The following TFEC variants were observed in gnomAD, a reference collection of about 807,000 sequenced individuals.
The protein encoded by TFEC is transcription factor EC, also known as class E basic helix-loop-helix protein 34.
TFEC carries 31 observed loss-of-function variants against 41.6 expected under a neutral mutation model. The ratio of observed to expected loss-of-function variants is 0.74; its 90% CI spans 0.56 to 1.01. TFEC has a LOEUF of 1.01. Ranked by LOEUF, TFEC falls within the 50% of genes least tolerant of loss-of-function variation. The pLI is 0.00. For synonymous variants in TFEC, 143 were observed against 140.6 expected (o/e 1.02, Z -0.12); for missense variants, 402 against 404.1 (o/e 0.99, Z 0.04).
intron 6 of TFEC, among the ~76,000 whole-genome samples, chr7:115,946,144 A>C (rs1323954957): frequency 1.3e-5 from 2 of 151,654 alleles, no homozygotes; most frequent in Non-Finnish European, 2.9e-5. Context: ...TTATAAAAAC[A>C]CAGGCATATA....
In TFEC at chr7:116,090,517, T is replaced by C. The variant is rs555432799; in HGVS notation, c.198+20191A>G. On this transcript the variant is annotated intron_variant, in intron 3 of 8. Coordinates refer to the TFEC transcript ENST00000484212. ...CGCCAAGAACCCGGACACCCTCCAC[T>C]GGTAACAAGAGGACCTACAGTATGG... Among the ~76,000 whole-genome samples the C allele has an allele frequency of 2.8e-4, 42 of 152,248 alleles. No individual in the cohort carries two copies. In the South Asian group the frequency reaches 8.5e-3, roughly 31 times the overall value.
intron 1 of TFEC, among the ~76,000 whole-genome samples, chr7:115,987,209 G>A (rs1793899113): frequency 6.6e-6 from 1 of 152,106 alleles, no homozygotes; most frequent in East Asian, 1.9e-4. Flanking sequence ...TGTAAACTAA[G>A]CAGAAGAGTA....
intron 3 of TFEC, among the ~76,000 whole-genome samples, chr7:116,047,485 G>C (rs1399557542): frequency 6.6e-6 from 1 of 152,112 alleles, no homozygotes; most frequent in Admixed American, 6.5e-5. Context: ...GCTTGAGTAG[G>C]TAAACAAAGT....
At chr7:116,007,643 C>G (rs553410191) in intron 1 of TFEC, among the ~76,000 whole-genome samples, 1 of 152,110 alleles carries the variant, frequency 6.6e-6, no homozygotes, top group African/African-American at 2.4e-5. Flanking sequence ...TGTTTCAGAT[C>G]CTACTAGGTG....
At chr7:116,022,577 T>A (rs934356795) in intron 1 of TFEC, among the ~76,000 whole-genome samples, 1 of 152,166 alleles carries the variant, frequency 6.6e-6, no homozygotes, top group African/African-American at 2.4e-5. Flanking sequence ...AGTGATTAAA[T>A]GTTAGTAAAA....
chr7:115,984,355 T>C lies in TFEC; in HGVS notation c.87A>G (p.Ala29=). Reference sequence around the variant, plus strand: ...CAGCATCACTGTCCAGAGTTGTGTGTGCATGCTGCACAAGAGGCCCACCAC... The same window carrying C: ...CAGCATCACTGTCCAGAGTTGTGTGCGCATGCTGCACAAGAGGCCCACCAC... ...VPSGGPLVQH[A]HTTLDSDAGL... Residue 29 remains alanine, a synonymous_variant, in exon 2 of 8, where the codon GCA becomes GCG. Transcript: ENST00000265440. 6.2e-7 allele frequency: 1 copy of C among 1,614,152 alleles called. No individual in the cohort carries two copies. The highest frequency in any genetic ancestry group is 1.7e-4 in the Middle Eastern group (1 of 6,060).
At chr7:116,131,939 C>T (rs1209042013) in intron 1 of TFEC, among the ~76,000 whole-genome samples, 1 of 152,162 alleles carries the variant, frequency 6.6e-6, no homozygotes, top group African/African-American at 2.4e-5. Context: ...ATTGTTGCCA[C>T]TTTCTGCACT....
chr7:116,036,284 A>T (rs78190438), intron 3 of TFEC, among the ~76,000 whole-genome samples: 650 of 152,194 alleles, frequency 4.3e-3, no homozygotes, highest in African/African-American at 0.015. Context: ...GAGCTAGGGT[A>T]TTTACACTCT....
At chr7:116,072,773 A>C (rs925160088) in intron 3 of TFEC, among the ~76,000 whole-genome samples, 8 of 151,634 alleles carry the variant, frequency 5.3e-5, no homozygotes, top group Admixed American at 4.6e-4. Context: ...CACTCTTATG[A>C]AAAGAAGTAT....
intron 1 of TFEC, among the ~76,000 whole-genome samples, chr7:116,138,658 A>C (rs1798481630): frequency 6.6e-6 from 1 of 152,244 alleles, no homozygotes; most frequent in Non-Finnish European, 1.5e-5. Flanking sequence ...TTAAGAAATC[A>C]AAGACCTGAA....
At chr7:115,941,250 C>T (rs929926719) in intron 7 of TFEC, 1 of 205,344 alleles carries the variant, frequency 4.9e-6, no homozygotes, top group Non-Finnish European at 9.7e-6. Flanking sequence ...TTTATTCTTC[C>T]TGATTAATTT....
intron 5 of TFEC, among the ~76,000 whole-genome samples, chr7:115,951,969 C>T (rs535128537): frequency 6.6e-6 from 1 of 151,926 alleles, no homozygotes; most frequent in South Asian, 2.1e-4. Context: ...ATGTTTAAAG[C>T]TTTTGGGGAA....
intron 3 of TFEC, among the ~76,000 whole-genome samples, chr7:116,044,642 A>G (rs545275493): frequency 6.6e-6 from 1 of 152,342 alleles, no homozygotes; most frequent in Admixed American, 6.5e-5. Flanking sequence ...TTTAATGGTT[A>G]GGTAATAAAG....
chr7:115,967,881 T>G (rs1351024611), intron 3 of TFEC, among the ~76,000 whole-genome samples: 4 of 151,826 alleles, frequency 2.6e-5, no homozygotes, highest in African/African-American at 9.7e-5. Flanking sequence ...AACAATTAAT[T>G]TAATGTAAAC....
chr7:116,102,526 A>G (rs1797627750), intron 3 of TFEC, among the ~76,000 whole-genome samples: 2 of 152,318 alleles, frequency 1.3e-5, no homozygotes, highest in Admixed American at 6.5e-5. Context: ...TTAGGGTGGT[A>G]GCAGCAACAA....
intron 3 of TFEC, among the ~76,000 whole-genome samples, chr7:116,066,944 T>G (rs543665799): frequency 6.6e-6 from 1 of 152,168 alleles, no homozygotes; most frequent in East Asian, 1.9e-4. Flanking sequence ...TAATTTCAAA[T>G]GAAATATTTG....
chr7:116,046,297 C>A (rs1796162410), intron 3 of TFEC, among the ~76,000 whole-genome samples: 1 of 152,132 alleles, frequency 6.6e-6, no homozygotes, highest in Non-Finnish European at 1.5e-5. Context: ...TTGTATCTCC[C>A]CGAATTCCCA....
intron 1 of TFEC, among the ~76,000 whole-genome samples, chr7:116,146,468 T>C (rs1301825058): frequency 6.6e-6 from 1 of 152,218 alleles, no homozygotes; most frequent in Non-Finnish European, 1.5e-5. Flanking sequence ...AGAAATTTAA[T>C]GATCTTCAAT....
At chr7:115,954,982 A>G (rs1792146231) in intron 4 of TFEC, among the ~76,000 whole-genome samples, 1 of 152,062 alleles carries the variant, frequency 6.6e-6, no homozygotes, top group Admixed American at 6.6e-5. Flanking sequence ...TGATAACCAA[A>G]AGAAATATAG....
Sources: allele counts gnomAD v4.1 joint callset (sites outside exome capture counted in the v4.1 genomes callset), GRCh38; gene constraint gnomAD v4.1.1; transcripts MANE v1.5; gene names NCBI Gene and HGNC (gene_info 2026-07-23, HGNC 2026-07-21).